WDPCP: variants seen among roughly 807,000 people sequenced by gnomAD.
The protein encoded by WDPCP is WD repeat containing planar cell polarity effector.
Under a neutral mutation model 93.1 loss-of-function variants are expected in WDPCP, and 71 were observed. That is an observed-to-expected ratio of 0.76 (90% confidence interval 0.63 to 0.93). WDPCP has a LOEUF of 0.93. WDPCP is among the 40% of genes least tolerant of loss of function. The probability of loss-of-function intolerance (pLI) is 0.00; values close to 1 mark genes in which losing one functional copy is unlikely to be tolerated. For missense variants in WDPCP, 844 were observed against 887.4 expected (o/e 0.95, Z 0.62); for synonymous variants, 315 against 315.0 (o/e 1.00, Z 0.00).
At chr2:63,742,035 A>G (rs1258671782) in intron 2 of WDPCP, among the ~76,000 whole-genome samples, 1 of 152,154 alleles carries the variant, frequency 6.6e-6, no homozygotes, top group Non-Finnish European at 1.5e-5. Context: ...GGCATATTTT[A>G]GAGATCTCAA....
Position 63,404,227 on chromosome 2 carries a change from T to A in WDPCP, c.1256A>T (p.Asp419Val). The change falls in exon 10 of 18, where the codon GAC becomes GTC. Residue 419 changes from aspartate to valine, a missense_variant. Physicochemically the swap from Asp to Val is radical, Grantham distance 152 (BLOSUM62 -3). Coordinates refer to ENST00000272321, the MANE Select transcript of WDPCP (RefSeq NM_015910.7). Reference sequence around the variant, plus strand: ...TTGCAGAGTCTCCCTGGGTAAGCGGTCTTCAGCCAACAGTTGGATGTTAAT... The same window carrying A: ...TTGCAGAGTCTCCCTGGGTAAGCGGACTTCAGCCAACAGTTGGATGTTAAT... ...SPINIQLLAE[D>V]RLPRETLQFS... 1 of 1,613,662 alleles carries A rather than the reference T, an allele frequency of 6.2e-7. No individual in the cohort carries two copies. The highest frequency in any genetic ancestry group is 8.5e-7 in the Non-Finnish European group (1 of 1,179,726).
At chr2:63,455,076 T>C (rs1698528434) in intron 6 of WDPCP, among the ~76,000 whole-genome samples, 1 of 152,124 alleles carries the variant, frequency 6.6e-6, no homozygotes, top group South Asian at 2.1e-4. Context: ...AGTGAAAGAA[T>C]GATTAATTCC....
At chr2:63,172,839 A>G (rs754595793) in intron 15 of WDPCP, among the ~76,000 whole-genome samples, 2 of 152,202 alleles carry the variant, frequency 1.3e-5, no homozygotes, top group Non-Finnish European at 2.9e-5. Context: ...TTCAAAAAGG[A>G]TAGCTTCTCA....
chr2:63,736,787 T>A (rs1445070322), intron 2 of WDPCP, among the ~76,000 whole-genome samples: 1 of 152,234 alleles, frequency 6.6e-6, no homozygotes, highest in Non-Finnish European at 1.5e-5. Flanking sequence ...TGTGATTTTT[T>A]AAACCTCATA....
At chr2:63,415,624 T>C (rs1022594993) in intron 9 of WDPCP, among the ~76,000 whole-genome samples, 2 of 152,212 alleles carry the variant, frequency 1.3e-5, no homozygotes, top group African/African-American at 4.8e-5. Flanking sequence ...TGTCTGACTC[T>C]AAAAACTAAG....
rs759303585 is a variant in WDPCP, at chr2:63,484,965, G to A, written c.276C>T (p.Leu92=). The part of the protein sequence containing the change: ...LAESRDYPWT[L]KNRRPEKLRD... ...GGAGTTTTTCTGGGCGTCTGTTTTT[G>A]AGCGTCCAAGGATAATCTCGTGCTG... Residue 92 remains leucine (L), a synonymous_variant, in exon 5 of 18, where the codon CTC becomes CTT. Coordinates refer to ENST00000272321, the MANE Select transcript of WDPCP (RefSeq NM_015910.7). The A allele has an allele frequency of 1.7e-5, 28 of 1,612,450 alleles. No individual in the cohort carries two copies. Among genetic ancestry groups the A allele is most frequent in the African/African-American group, 2.7e-5 (2 of 74,828 alleles).
At chr2:63,497,987 C>G (rs1701332102) in intron 1 of WDPCP, among the ~76,000 whole-genome samples, 1 of 151,866 alleles carries the variant, frequency 6.6e-6, no homozygotes, top group South Asian at 2.1e-4. Flanking sequence ...TGTACATTTC[C>G]CTGAGCAATA....
At chr2:63,136,717 G>GTACCCTCCAA (rs922846371) in intron 17 of WDPCP, among the ~76,000 whole-genome samples, 4 of 151,876 alleles carry the variant, frequency 2.6e-5, no homozygotes, top group Admixed American at 1.3e-4. Flanking sequence ...CCACCCTCCA[G>GTACCCTCCAA]TACCCTCCAA....
intron 3 of WDPCP, chr2:63,605,387 C>T: frequency 6.2e-7 from 1 of 1,610,016 alleles, no homozygotes; most frequent in Non-Finnish European, 8.5e-7. Flanking sequence ...GGTTTGGAAC[C>T]CCAGAGGTAA....
intron 14 of WDPCP, among the ~76,000 whole-genome samples, chr2:63,198,648 TC>T (rs796824792): frequency 5.7e-4 from 87 of 152,304 alleles, no homozygotes; most frequent in African/African-American, 1.8e-3. Flanking sequence ...TTCACTCTCT[TC>T]CTCCTGCTCG....
At chr2:63,439,608 G>T (rs1181896625) in intron 7 of WDPCP, 149 bp downstream of exon 7, 2 of 563,682 alleles carry the variant, frequency 3.5e-6, no homozygotes, top group Non-Finnish European at 6.3e-6. Context: ...AACTTGTATT[G>T]GTCCCAGGGG....
At chr2:63,684,021 G>T (rs1470770065) in intron 2 of WDPCP, among the ~76,000 whole-genome samples, 1 of 152,104 alleles carries the variant, frequency 6.6e-6, no homozygotes, top group Admixed American at 6.5e-5. Flanking sequence ...TACAATGATA[G>T]CCGGAGACTT....
At chr2:63,659,107 TG>T (rs1472230165) in intron 2 of WDPCP, among the ~76,000 whole-genome samples, 1 of 152,180 alleles carries the variant, frequency 6.6e-6, no homozygotes, top group African/African-American at 2.4e-5. Context: ...TAACAAGAGA[TG>T]GGGTAAATAT....
intron 14 of WDPCP, among the ~76,000 whole-genome samples, chr2:63,208,643 C>G (rs1676521230): frequency 6.6e-6 from 1 of 152,214 alleles, no homozygotes; most frequent in South Asian, 2.1e-4. Context: ...TCTACAGAAT[C>G]ATCTCTATTT....
chr2:63,590,260 C>T (rs1008160920), upstream of WDPCP: 2 of 152,142 alleles, frequency 1.3e-5, no homozygotes, highest in Admixed American at 6.5e-5. Flanking sequence ...GTCATCTTGA[C>T]GAATCTCCCC....
chr2:63,441,268 T>C (rs1374995048), intron 6 of WDPCP: 1 of 152,048 alleles, frequency 6.6e-6, no homozygotes, highest in Admixed American at 6.6e-5. Flanking sequence ...ACCACATACC[T>C]TAATGGCAAA....
intron 17 of WDPCP, among the ~76,000 whole-genome samples, chr2:63,148,497 G>A (rs1055611715): frequency 4.6e-5 from 7 of 151,690 alleles, no homozygotes; most frequent in African/African-American, 7.3e-5. Context: ...GTACCACCAC[G>A]CCAGCTAATA....
chr2:63,832,098 C>G (rs1340965539), upstream of WDPCP, among the ~76,000 whole-genome samples: 1 of 152,206 alleles, frequency 6.6e-6, no homozygotes, highest in Non-Finnish European at 1.5e-5. Context: ...TTCTACTAGT[C>G]TTACCTAGTT....
intron 3 of WDPCP, among the ~76,000 whole-genome samples, chr2:63,639,696 A>G (rs1376836351): frequency 6.6e-6 from 1 of 152,250 alleles, no homozygotes; most frequent in East Asian, 1.9e-4. Context: ...TGTCAAGAAC[A>G]TATAAAGGTA....
Sources: gnomAD v4.1 joint callset for allele counts (sites outside exome capture counted in the v4.1 genomes callset) on GRCh38, gnomAD v4.1.1 for gene constraint, MANE v1.5 for transcripts, NCBI Gene and HGNC (gene_info 2026-07-23, HGNC 2026-07-21) for gene names.